The following VWA8 variants were observed in gnomAD, a reference collection of about 807,000 sequenced individuals.
VWA8 encodes the protein von Willebrand factor A domain-containing protein 8.
A neutral mutation model predicts 241.5 loss-of-function variants in VWA8; 221 were observed. That is an observed-to-expected ratio of 0.91 (90% confidence interval 0.82 to 1.02). The LOEUF is 1.02. Among genes scored for constraint, VWA8 ranks in the 50% least tolerant of loss-of-function variants. The pLI, the probability that VWA8 is intolerant of heterozygous loss-of-function variation, is 0.00. For synonymous variants in VWA8, 852 were observed against 827.1 expected (o/e 1.03, Z -0.52); for missense variants, 2,322 against 2,328.7 (o/e 1.00, Z 0.06).
chr13:41,762,426 C>T (rs1476580817), intron 20 of VWA8, among the ~76,000 whole-genome samples: 2 of 152,134 alleles, frequency 1.3e-5, no homozygotes, highest in Non-Finnish European at 2.9e-5. Context: ...CGAGGACTCA[C>T]ATCCAGGTAA....
rs150345391 is a variant in VWA8, at chr13:41,692,939, G to A, written c.3598C>T (p.Arg1200Trp). ...NVILLLDTTG[R>W]ALHRLILPSE... ...GGGAGGATGAGACGATGAAGGGCCCGGCCAGTAGTATCTAACAACAGGATA... is the reference window on the plus strand; with the variant it reads ...GGGAGGATGAGACGATGAAGGGCCCAGCCAGTAGTATCTAACAACAGGATA... The change falls in exon 30 of 45, where the codon CGG becomes TGG. Residue 1200 changes from arginine to tryptophan, a missense_variant. Coordinates refer to ENST00000379310, the MANE Select transcript of VWA8 (RefSeq NM_015058.2). The A allele has an allele frequency of 2.9e-4, 474 of 1,610,640 alleles. 2 individuals are homozygous for A. In the African/African-American group the frequency reaches 4.8e-3, roughly 16 times the overall value.
chr13:41,880,100 T>C (rs1874097171), intron 9 of VWA8, among the ~76,000 whole-genome samples: 2 of 152,190 alleles, frequency 1.3e-5, no homozygotes, highest in African/African-American at 4.8e-5. Flanking sequence ...ATGCCACACA[T>C]ATTTTAAAAG....
chr13:41,616,601 G>A (rs779239110), intron 37 of VWA8, among the ~76,000 whole-genome samples: 3 of 151,984 alleles, frequency 2.0e-5, no homozygotes, highest in Non-Finnish European at 2.9e-5. Context: ...ACATATACTG[G>A]CTACAAGAAT....
chr13:41,915,103 CTG>C (rs1876188704), intron 2 of VWA8, among the ~76,000 whole-genome samples: 2 of 152,132 alleles, frequency 1.3e-5, no homozygotes, highest in Admixed American at 1.3e-4. Flanking sequence ...TTGAAGCAAA[CTG>C]GAGCAGAATT....
Position 41,729,605 on chromosome 13 carries a change from TACACGTG to T in VWA8, c.2568_2574del (p.Thr857PhefsTer2), listed in dbSNP as rs1163494530. On this transcript the variant is annotated frameshift_variant, in exon 23 of 45. Transcript: ENST00000379310. LOFTEE classifies it high-confidence loss of function. Reference sequence around the variant, plus strand: ...CCATTTTCTACTAGAGTTTTTAAAATACACGTGACATTTGTTGGAGCTTTGTCAGCCT... The same window carrying T: ...CCATTTTCTACTAGAGTTTTTAAAATACATTTGTTGGAGCTTTGTCAGCCT... The T allele has an allele frequency of 8.1e-6, 13 of 1,613,214 alleles. No homozygotes were observed. Among genetic ancestry groups the T allele is most frequent in the Non-Finnish European group, 1.1e-5 (13 of 1,179,540 alleles).
intron 43 of VWA8, among the ~76,000 whole-genome samples, chr13:41,572,794 T>C (rs1343253669): frequency 2.1e-5 from 1 of 47,036 alleles, no homozygotes; most frequent in East Asian, 6.9e-4. Context: ...GATCAATAAA[T>C]ACTAAAAAAA....
intron 43 of VWA8, among the ~76,000 whole-genome samples, chr13:41,573,362 G>A (rs764878571): frequency 4.7e-5 from 7 of 150,528 alleles, no homozygotes; most frequent in East Asian, 2.0e-4. Flanking sequence ...AGGTCGTAGC[G>A]GGCCGAGATT....
At chr13:41,673,755 T>C (rs1208340393) in intron 36 of VWA8, among the ~76,000 whole-genome samples, 1 of 152,218 alleles carries the variant, frequency 6.6e-6, no homozygotes, top group African/African-American at 2.4e-5. Flanking sequence ...ATGGCTTTCA[T>C]TATATTTCCA....
intron 29 of VWA8, among the ~76,000 whole-genome samples, chr13:41,696,340 A>G (rs2045215695): frequency 6.6e-6 from 1 of 152,244 alleles, no homozygotes; most frequent in African/African-American, 2.4e-5. Flanking sequence ...TCAATGAACT[A>G]CTGATATATT....
intron 3 of VWA8, among the ~76,000 whole-genome samples, chr13:41,910,457 C>T (rs961738668): frequency 2.6e-5 from 4 of 151,818 alleles, no homozygotes; most frequent in African/African-American, 4.8e-5. Flanking sequence ...TGGTGGCATG[C>T]GTCAGTAGTC....
intron 37 of VWA8, among the ~76,000 whole-genome samples, chr13:41,627,593 G>A (rs2139672087): frequency 6.6e-6 from 1 of 152,260 alleles, no homozygotes; most frequent in African/African-American, 2.4e-5. Context: ...AAAACTTCGG[G>A]AGCTTGAACT....
chr13:41,725,439 G>C (rs546757176), intron 24 of VWA8, among the ~76,000 whole-genome samples: 2 of 152,240 alleles, frequency 1.3e-5, no homozygotes, highest in East Asian at 1.9e-4. Flanking sequence ...AACTAGCCAT[G>C]AATGTCTAAG....
At chr13:41,630,742 A>C (rs2139674210) in intron 37 of VWA8, among the ~76,000 whole-genome samples, 1 of 152,236 alleles carries the variant, frequency 6.6e-6, no homozygotes, top group East Asian at 1.9e-4. Context: ...TAAAAGGAGA[A>C]AAAAAAGTTT....
intron 2 of VWA8, among the ~76,000 whole-genome samples, chr13:41,929,046 A>G (rs1876981328): frequency 6.6e-6 from 1 of 152,146 alleles, no homozygotes; most frequent in Non-Finnish European, 1.5e-5. Context: ...TCACAGATAG[A>G]AAAAACAATC....
At chr13:41,694,966 C>T (rs2045206773) in intron 29 of VWA8, among the ~76,000 whole-genome samples, 2 of 152,092 alleles carry the variant, frequency 1.3e-5, no homozygotes, top group Admixed American at 1.3e-4. Flanking sequence ...AAGCAATTGG[C>T]AACATGAAGG....
intron 21 of VWA8, among the ~76,000 whole-genome samples, chr13:41,747,905 G>C (rs1438514645): frequency 6.6e-6 from 1 of 152,210 alleles, no homozygotes; most frequent in Non-Finnish European, 1.5e-5. Flanking sequence ...TACGTTTATT[G>C]ATTTGTGTAT....
chr13:41,817,109 T>C (rs1264204836), intron 15 of VWA8, among the ~76,000 whole-genome samples: 1 of 152,178 alleles, frequency 6.6e-6, no homozygotes, highest in Non-Finnish European at 1.5e-5. Context: ...TCATGTATCA[T>C]CATTTCCTAT....
intron 14 of VWA8, among the ~76,000 whole-genome samples, chr13:41,824,379 G>T (rs1871091280): frequency 6.6e-6 from 1 of 152,194 alleles, no homozygotes; most frequent in Non-Finnish European, 1.5e-5. Context: ...GTGCGGAGAG[G>T]AAGGGGTTTC....
intron 2 of VWA8, among the ~76,000 whole-genome samples, chr13:41,939,481 A>T (rs1278330369): frequency 6.8e-6 from 1 of 146,166 alleles, no homozygotes; most frequent in East Asian, 2.0e-4. Flanking sequence ...CCTAGATCAT[A>T]AAAAAAAAAA....
Sources: allele counts gnomAD v4.1 joint callset (sites outside exome capture counted in the v4.1 genomes callset), GRCh38; gene constraint gnomAD v4.1.1; transcripts MANE v1.5; gene names NCBI Gene and HGNC (gene_info 2026-07-23, HGNC 2026-07-21).